TMEM217B: variants seen among roughly 807,000 people sequenced by gnomAD.
The protein encoded by TMEM217B is putative transmembrane protein 217B.
chr6:37,246,936 G>T, the TMEM217B span, among the ~76,000 whole-genome samples: 1 of 151,856 alleles, frequency 6.6e-6, no homozygotes, highest in African/African-American at 2.4e-5. Context: ...AAGATGGGGA[G>T]ACAGCCAGGT....
the TMEM217B span, among the ~76,000 whole-genome samples, chr6:37,228,008 C>A: frequency 6.6e-6 from 1 of 152,066 alleles, no homozygotes; most frequent in African/African-American, 2.4e-5. Flanking sequence ...TTTGCTCTAT[C>A]AAGTGAGATA....
At chr6:37,257,897 G>A in the TMEM217B span, 1 of 1,612,760 alleles carries the variant, frequency 6.2e-7, no homozygotes, top group Admixed American at 1.7e-5. Context: ...CCGCCTACAA[G>A]GACTTCCCCC....
At chr6:37,243,822 G>A in the TMEM217B span, among the ~76,000 whole-genome samples, 1 of 152,144 alleles carries the variant, frequency 6.6e-6, no homozygotes, top group Admixed American at 6.5e-5. Flanking sequence ...GTGCTGACTG[G>A]TGGGGAATGC....
At chr6:37,237,957 T>TG in the TMEM217B span, among the ~76,000 whole-genome samples, 2 of 152,138 alleles carry the variant, frequency 1.3e-5, no homozygotes, top group Admixed American at 6.5e-5. Context: ...TAAAATGTGT[T>TG]GGGGGTACCA....
At chr6:37,252,880 T>TCC in the TMEM217B span, among the ~76,000 whole-genome samples, 1 of 151,918 alleles carries the variant, frequency 6.6e-6, no homozygotes, top group Non-Finnish European at 1.5e-5. Context: ...GCTCAAGTGA[T>TCC]CCACCTGCCT....
the TMEM217B span, among the ~76,000 whole-genome samples, chr6:37,225,738 A>G: frequency 6.6e-6 from 1 of 152,208 alleles, no homozygotes; most frequent in South Asian, 2.1e-4. Context: ...AGCTAGACAC[A>G]TGGCCACCCA....
At chr6:37,219,255 T>C in the TMEM217B span, among the ~76,000 whole-genome samples, 7 of 152,262 alleles carry the variant, frequency 4.6e-5, no homozygotes, top group South Asian at 1.5e-3. Context: ...AATGACCAGA[T>C]AAAATTACAG....
chr6:37,228,600 A>G, the TMEM217B span, among the ~76,000 whole-genome samples: 1 of 152,158 alleles, frequency 6.6e-6, no homozygotes, highest in Non-Finnish European at 1.5e-5. Context: ...GATACTCGGG[A>G]GGCTGAGAGA....
the TMEM217B span, among the ~76,000 whole-genome samples, chr6:37,220,105 TAGA>T: frequency 6.6e-6 from 1 of 152,026 alleles, no homozygotes; most frequent in Non-Finnish European, 1.5e-5. Context: ...AGAAAATAAA[TAGA>T]AGCGCGTAAG....
the TMEM217B span, among the ~76,000 whole-genome samples, chr6:37,250,758 C>T: frequency 6.6e-6 from 1 of 152,222 alleles, no homozygotes; most frequent in South Asian, 2.1e-4. Context: ...AAAATTTTTG[C>T]TAAACAATGC....
At chr6:37,240,396 G>A in the TMEM217B span, among the ~76,000 whole-genome samples, 1 of 152,168 alleles carries the variant, frequency 6.6e-6, no homozygotes, top group South Asian at 2.1e-4. Flanking sequence ...TTTCTTGGCT[G>A]TTGGCCAGAG....
chr6:37,252,461 A>G, the TMEM217B span, among the ~76,000 whole-genome samples: 1 of 151,932 alleles, frequency 6.6e-6, no homozygotes, highest in East Asian at 1.9e-4. Flanking sequence ...ACATACATAC[A>G]TACATGTATA....
chr6:37,258,000 G>A, the TMEM217B span: 53 of 1,612,520 alleles, frequency 3.3e-5, no homozygotes, highest in Admixed American at 1.7e-4. Flanking sequence ...GAGAGGGATA[G>A]GGGATTGGAC....
the TMEM217B span, among the ~76,000 whole-genome samples, chr6:37,217,056 G>A: frequency 8.5e-5 from 13 of 152,224 alleles, no homozygotes; most frequent in Non-Finnish European, 1.6e-4. Context: ...CACTTTGGGA[G>A]GCTGAGGCAA....
chr6:37,236,102 T>C, the TMEM217B span, among the ~76,000 whole-genome samples: 2 of 152,198 alleles, frequency 1.3e-5, no homozygotes, highest in Non-Finnish European at 2.9e-5. Context: ...TTTAACATCA[T>C]CGTGTTTGAA....
the TMEM217B span, among the ~76,000 whole-genome samples, chr6:37,246,379 T>C: frequency 6.6e-6 from 1 of 152,180 alleles, no homozygotes; most frequent in African/African-American, 2.4e-5. Context: ...GGGCATGCTC[T>C]TCTCATAGTG....
the TMEM217B span, chr6:37,257,962 G>A: frequency 1.4e-5 from 22 of 1,614,164 alleles, no homozygotes; most frequent in East Asian, 1.1e-4. Context: ...GGAGCGCTAA[G>A]CTGCCGGGGA....
the TMEM217B span, among the ~76,000 whole-genome samples, chr6:37,236,940 G>T: frequency 1.2e-4 from 18 of 152,226 alleles, no homozygotes; most frequent in East Asian, 3.5e-3. Flanking sequence ...CATCCATGTG[G>T]GCTTCTCCAT....
the TMEM217B span, chr6:37,215,316 G>A: frequency 6.2e-7 from 1 of 1,606,850 alleles, no homozygotes; most frequent in Non-Finnish European, 8.5e-7. Context: ...AATAAAAATT[G>A]TTTTTAATTA....
Sources: allele counts gnomAD v4.1 joint callset (sites outside exome capture counted in the v4.1 genomes callset), GRCh38; gene constraint gnomAD v4.1.1; transcripts MANE v1.5; gene names NCBI Gene and HGNC (gene_info 2026-07-23, HGNC 2026-07-21).